Variants in TBC1D19 observed in about 807,000 individuals in gnomAD.
TBC1D19 encodes TBC1 domain family member 19, also known as TBC1 domain family, member 19.
A neutral mutation model predicts 89.0 loss-of-function variants in TBC1D19; 60 were observed. The observed-to-expected ratio is 0.67, with a 90% CI of 0.55 to 0.84. The LOEUF is 0.84. Among genes scored for constraint, TBC1D19 ranks in the 40% least tolerant of loss-of-function variants. The pLI is 0.00. For synonymous variants in TBC1D19, 189 were observed against 199.7 expected (o/e 0.95, Z 0.45); for missense variants, 500 against 610.8 (o/e 0.82, Z 1.91).
At chr4:26,829,298 G>A in the TBC1D19 span, among the ~76,000 whole-genome samples, 1 of 152,152 alleles carries the variant, frequency 6.6e-6, no homozygotes, top group Non-Finnish European at 1.5e-5. Context: ...GGGAGTCAAA[G>A]TTTCTTTGAA....
the TBC1D19 span, among the ~76,000 whole-genome samples, chr4:26,857,150 C>T: frequency 6.6e-6 from 1 of 152,186 alleles, no homozygotes; most frequent in African/African-American, 2.4e-5. Flanking sequence ...CTTTATTAAA[C>T]AATTTGAGGA....
chr4:26,753,971 G>A, intron 20 of TBC1D19, 81 bp downstream of exon 20: 1 of 1,461,302 alleles, frequency 6.8e-7, no homozygotes, highest in Non-Finnish European at 9.6e-7. Context: ...CTGTTGCATA[G>A]GACACGCGTT....
intron 7 of TBC1D19, among the ~76,000 whole-genome samples, 169 bp downstream of exon 7, chr4:26,640,356 A>T (rs991849261): frequency 5.9e-5 from 9 of 152,216 alleles, no homozygotes; most frequent in Non-Finnish European, 8.8e-5. Context: ...CTTGGAAAAT[A>T]TATTGGAATA....
chr4:26,604,310 G>A lies in TBC1D19; in HGVS notation c.100-8859G>A, dbSNP rs568735215. Among the ~76,000 whole-genome samples the A allele has an allele frequency of 2.7e-5, 4 of 150,940 alleles. No homozygotes were observed. In the South Asian group the frequency reaches 8.4e-4, roughly 32 times the overall value. On this transcript the variant is annotated intron_variant, in intron 1 of 20. Transcript: ENST00000264866. ...TGGGACTACAGGCACTTGCCACCAC[G>A]CCCGGCTAATTTTTTGAATTTTTAG...
chr4:26,829,607 G>A, the TBC1D19 span, among the ~76,000 whole-genome samples: 1 of 152,176 alleles, frequency 6.6e-6, no homozygotes, highest in Non-Finnish European at 1.5e-5. Context: ...ACAGAAAAAG[G>A]GATAAATTGA....
At chr4:26,705,327 C>A (rs1030877965) in intron 13 of TBC1D19, among the ~76,000 whole-genome samples, 2 of 152,002 alleles carry the variant, frequency 1.3e-5, no homozygotes, top group African/African-American at 4.8e-5. Flanking sequence ...ATCATCTGTG[C>A]CTTTGGTATT....
intron 1 of TBC1D19, among the ~76,000 whole-genome samples, chr4:26,592,137 A>G (rs1230413421): frequency 6.6e-6 from 1 of 152,190 alleles, no homozygotes; most frequent in African/African-American, 2.4e-5. Flanking sequence ...AAGCTTATCC[A>G]CCATGATAAG....
the TBC1D19 span, among the ~76,000 whole-genome samples, chr4:26,848,367 T>G: frequency 2.6e-5 from 4 of 152,252 alleles, no homozygotes; most frequent in Non-Finnish European, 5.9e-5. Flanking sequence ...TTCATAATCA[T>G]GTAGCCAATT....
At chr4:26,785,163 A>G in the TBC1D19 span, among the ~76,000 whole-genome samples, 2 of 152,218 alleles carry the variant, frequency 1.3e-5, no homozygotes, top group East Asian at 1.9e-4. Context: ...CACTCTAGCT[A>G]TTATTTTGAC....
At chr4:26,634,167 T>C (rs932369242) in intron 4 of TBC1D19, among the ~76,000 whole-genome samples, 1 of 152,138 alleles carries the variant, frequency 6.6e-6, no homozygotes, top group Non-Finnish European at 1.5e-5. Flanking sequence ...CAATGGTCCT[T>C]ATGCTGGATT....
intron 13 of TBC1D19, among the ~76,000 whole-genome samples, chr4:26,704,099 G>C (rs1225379186): frequency 6.6e-6 from 1 of 152,060 alleles, no homozygotes; most frequent in Non-Finnish European, 1.5e-5. Flanking sequence ...AATGTTTTTA[G>C]TAATAAGCCA....
chr4:26,721,496 C>T (rs1716975045), intron 15 of TBC1D19, among the ~76,000 whole-genome samples: 1 of 152,092 alleles, frequency 6.6e-6, no homozygotes. Flanking sequence ...TCAGTTCTTA[C>T]TATCTCTAGC....
In TBC1D19 at chr4:26,652,154, G is replaced by A. The variant is rs189163031; in HGVS notation, c.481-7443G>A. 8.5e-4 allele frequency among the ~76,000 whole-genome samples: 129 copies of A among 152,118 alleles called. 1 individual carries two copies. Among genetic ancestry groups the A allele is most frequent in the Non-Finnish European group, 1.4e-3 (95 of 68,010 alleles). On this transcript the variant is annotated intron_variant, in intron 7 of 20. Coordinates refer to ENST00000264866, the MANE Select transcript of TBC1D19 (RefSeq NM_018317.4). ...GGATGTTTGCATTGATGTTGATCAG[G>A]GATATTGGTCCAAAATTCTCTTTTT...
chr4:26,612,598 A>G (rs1181323473), intron 1 of TBC1D19, among the ~76,000 whole-genome samples: 1 of 152,120 alleles, frequency 6.6e-6, no homozygotes, highest in Non-Finnish European at 1.5e-5. Context: ...GAAAAATTAT[A>G]TTTTTGGTAA....
At chr4:26,823,420 T>C in the TBC1D19 span, among the ~76,000 whole-genome samples, 1 of 152,042 alleles carries the variant, frequency 6.6e-6, no homozygotes, top group African/African-American at 2.4e-5. Flanking sequence ...TGTGATACAA[T>C]TTGGGTTAAT....
chr4:26,796,097 A>G, the TBC1D19 span, among the ~76,000 whole-genome samples: 3 of 152,218 alleles, frequency 2.0e-5, no homozygotes, highest in Admixed American at 1.3e-4. Context: ...CAGCAGCCTC[A>G]TGTCTCCATC....
Position 26,696,762 on chromosome 4 carries a change from G to A in TBC1D19, c.954+8355G>A, listed in dbSNP as rs571764767. Among the ~76,000 whole-genome samples, 6 of 152,194 alleles carry A rather than the reference G, an allele frequency of 3.9e-5. No homozygotes were observed. In the East Asian group the frequency reaches 7.7e-4, roughly 20 times the overall value. ...ACAACCTGGTCCTGAGTGACTACTG[G>A]GTACATAACGAAATGAAGGCAGAAA... On this transcript the variant is annotated intron_variant, in intron 13 of 20. Coordinates refer to ENST00000264866, the MANE Select transcript of TBC1D19 (RefSeq NM_018317.4).
chr4:26,627,833 G>T (rs562629044), intron 4 of TBC1D19, among the ~76,000 whole-genome samples: 104 of 151,974 alleles, frequency 6.8e-4, no homozygotes, highest in African/African-American at 2.4e-3. Flanking sequence ...CCATTTTGTA[G>T]GTTGCCTGTT....
chr4:26,834,076 T>C, the TBC1D19 span, among the ~76,000 whole-genome samples: 1 of 152,160 alleles, frequency 6.6e-6, no homozygotes. Flanking sequence ...TTTATAAGTG[T>C]ATGGCCCCTC....
Sources: gnomAD v4.1 joint callset for allele counts (sites outside exome capture counted in the v4.1 genomes callset) on GRCh38, gnomAD v4.1.1 for gene constraint, MANE v1.5 for transcripts, NCBI Gene and HGNC (gene_info 2026-07-23, HGNC 2026-07-21) for gene names.